The following MKX variants were observed in gnomAD, a reference collection of about 807,000 sequenced individuals.
MKX encodes the protein homeobox protein Mohawk.
In MKX, 13 loss-of-function variants were observed where a neutral mutation model predicts 36.0. That is an observed-to-expected ratio of 0.36 (90% confidence interval 0.24 to 0.57). MKX has a LOEUF of 0.57. MKX is among the 20% of genes least tolerant of loss of function. The pLI is 0.79. For synonymous variants in MKX, 176 were observed against 178.3 expected (o/e 0.99, Z 0.10); for missense variants, 458 against 456.4 (o/e 1.00, Z -0.03).
chr10:27,701,635 A>T (rs1836657768), intron 5 of MKX, among the ~76,000 whole-genome samples: 1 of 145,102 alleles, frequency 6.9e-6, no homozygotes, highest in Non-Finnish European at 1.5e-5. Context: ...ATAATAATAT[A>T]TTTATATATT....
At chr10:27,708,174 A>G (rs2132537367) in intron 5 of MKX, among the ~76,000 whole-genome samples, 1 of 152,356 alleles carries the variant, frequency 6.6e-6, no homozygotes, top group Middle Eastern at 3.4e-3. Flanking sequence ...CCAGTATGGC[A>G]TTCACACCAA....
chr10:27,726,904 A>T (rs1834502641), intron 5 of MKX, among the ~76,000 whole-genome samples: 1 of 152,186 alleles, frequency 6.6e-6, no homozygotes, highest in South Asian at 2.1e-4. Flanking sequence ...CATTCACTGA[A>T]GAAACATTTA....
chr10:27,707,970 G>A (rs2637319), intron 5 of MKX, among the ~76,000 whole-genome samples: 139,529 of 152,252 alleles, frequency 0.92, 63,975 homozygotes, highest in East Asian at 1. Flanking sequence ...TCAGAAGTGA[G>A]CAGGTTAAAC....
At position 27,742,306 on chromosome 10, in the gene MKX, C is replaced by A. The variant is rs897492664; in HGVS notation, c.189-802G>T. Among the ~76,000 whole-genome samples the A allele has an allele frequency of 9.9e-5, 15 of 152,160 alleles. No homozygotes were observed. Among genetic ancestry groups the A allele is most frequent in the African/African-American group, 2.9e-4 (12 of 41,458 alleles). On this transcript the variant is annotated intron_variant, in intron 2 of 6. Coordinates refer to ENST00000419761, the MANE Select transcript of MKX (RefSeq NM_173576.3). This position sits in a 1 kb window ranked among gnomAD's most constrained non-coding sequence, Gnocchi z 4.2. ...GGGTCCGGGAGGTGTCGCGCGCGGC[C>A]GCCAGCGAGCCCAGCCGCTCCCCGA... is the stretch of plus-strand genomic sequence containing the variant.
chr10:27,741,233 C>G lies in MKX; in HGVS notation c.348+112G>C. 7.3e-7 allele frequency: 1 copy of G among 1,368,328 alleles called. No individual in the cohort carries two copies. Among genetic ancestry groups the G allele is most frequent in the Non-Finnish European group, 1.0e-6 (1 of 978,920 alleles). The allele number at this position is 1,368,328 out of a possible 1,614,324, so 84.8% of individuals were successfully genotyped here. A position where few individuals can be genotyped will look rare whatever the true frequency, so the allele number is the denominator to read the frequency against. On this transcript the variant is annotated intron_variant, in intron 3 of 6. Transcript: ENST00000419761. The surrounding 1 kb of genome is among the most constrained non-coding windows in gnomAD (Gnocchi z 5.1). ...ATTCAGAAACTCCCACAGCTCGGCT[C>G]CATCCCTCTCCAGGTAGAAGCGCCA... is the stretch of plus-strand genomic sequence containing the variant.
At position 27,675,303 on chromosome 10, in the gene MKX, T is replaced by C; in HGVS notation, c.985A>G (p.Ser329Gly). ...TGGGACGACTTCTGGATGATGCAGC[T>C]GGTAGTTCCCTGCAGTTTGTCCTTT... ...QGKDKLQGTT[S>G]CIIQKSSHIA... The change falls in exon 7 of 7, where the codon AGC becomes GGC. Residue 329 changes from serine to glycine, a missense_variant. Ser to Gly is a moderately conservative substitution (Grantham distance 56). This residue lies in a region of MKX where 297 missense variants were observed against 304.4 expected (regional missense o/e 0.98). Transcript: ENST00000419761. 1 of 1,614,204 alleles carries C rather than the reference T, an allele frequency of 6.2e-7. No homozygotes were observed. The highest frequency in any genetic ancestry group is 8.5e-7 in the Non-Finnish European group (1 of 1,180,022).
chr10:27,707,837 A>T (rs1423385975), intron 5 of MKX, among the ~76,000 whole-genome samples: 2 of 152,224 alleles, frequency 1.3e-5, no homozygotes, highest in African/African-American at 4.8e-5. Flanking sequence ...TTTATTTTTT[A>T]AAAAGCATAT....
chr10:27,708,517 G>A (rs969797398), intron 5 of MKX, among the ~76,000 whole-genome samples: 1 of 152,144 alleles, frequency 6.6e-6, no homozygotes, highest in African/African-American at 2.4e-5. Flanking sequence ...AGATCACGAG[G>A]TCAGGAGATC....
At chr10:27,690,401 A>AAAAG (rs1836433390) in intron 5 of MKX, among the ~76,000 whole-genome samples, 1 of 70,528 alleles carries the variant, frequency 1.4e-5, no homozygotes. Flanking sequence ...CAAAACAAAA[A>AAAAG]CCTAACAAGT....
chr10:27,682,884 C>T (rs1836279739), intron 5 of MKX, among the ~76,000 whole-genome samples: 1 of 151,460 alleles, frequency 6.6e-6, no homozygotes, highest in Admixed American at 6.6e-5. Context: ...GAGGCTGAGG[C>T]AAGAGAATCG....
At chr10:27,718,652 TA>T in intron 5 of MKX, 1 of 369,324 alleles carries the variant, frequency 2.7e-6, no homozygotes. Context: ...AACGACATAG[TA>T]AAATAGTATC....
chr10:27,687,582 G>A (rs1260944923), intron 5 of MKX, among the ~76,000 whole-genome samples: 2 of 152,078 alleles, frequency 1.3e-5, no homozygotes, highest in African/African-American at 2.4e-5. Context: ...CGTCAGTCTG[G>A]GCCAGTGGAG....
intron 3 of MKX, among the ~76,000 whole-genome samples, chr10:27,740,436 C>T (rs969947257): frequency 4.6e-5 from 7 of 152,088 alleles, no homozygotes; most frequent in African/African-American, 9.7e-5. Context: ...TGTGACATGA[C>T]GGGAAGAGCA....
intron 5 of MKX, among the ~76,000 whole-genome samples, chr10:27,685,432 T>C (rs1349259415): frequency 1.4e-5 from 2 of 144,104 alleles, no homozygotes; most frequent in Admixed American, 1.5e-4. Context: ...CTTTATACTT[T>C]CAGCAGAGTG....
chr10:27,745,218 G>C (rs1045902636), intron 1 of MKX, among the ~76,000 whole-genome samples: 9 of 152,020 alleles, frequency 5.9e-5, no homozygotes, highest in Admixed American at 2.6e-4. Flanking sequence ...ACACTTCCCC[G>C]GCAGCCCCAA....
intron 3 of MKX, among the ~76,000 whole-genome samples, chr10:27,737,090 A>G (rs992928620): frequency 2.0e-5 from 3 of 152,132 alleles, no homozygotes; most frequent in Non-Finnish European, 4.4e-5. Context: ...ACTAGCGGAA[A>G]AGAACTACAC....
intron 5 of MKX, among the ~76,000 whole-genome samples, chr10:27,706,410 G>C (rs1439745649): frequency 6.6e-6 from 1 of 151,944 alleles, no homozygotes; most frequent in Non-Finnish European, 1.5e-5. Context: ...AAGGTGCATT[G>C]CTGGATCATA....
intron 5 of MKX, among the ~76,000 whole-genome samples, chr10:27,682,728 C>T (rs2132494732): frequency 6.6e-6 from 1 of 151,970 alleles, no homozygotes; most frequent in African/African-American, 2.4e-5. Flanking sequence ...TGCTTATAAT[C>T]ACAGCACTTT....
chr10:27,710,911 G>C (rs1217320308), intron 5 of MKX, among the ~76,000 whole-genome samples: 2 of 152,032 alleles, frequency 1.3e-5, no homozygotes, highest in Admixed American at 6.6e-5. Context: ...TGCCTGCCTC[G>C]GCCTCTCAAA....
Sources: gnomAD v4.1 joint callset for allele counts (sites outside exome capture counted in the v4.1 genomes callset) on GRCh38, gnomAD v4.1.1 for gene constraint, gnomAD v4.1.1 regional missense constraint, Gnocchi (gnomAD v3.1) non-coding constraint, MANE v1.5 for transcripts, NCBI Gene and HGNC (gene_info 2026-07-23, HGNC 2026-07-21) for gene names.